The following AFF3 variants were observed in gnomAD, a reference collection of about 807,000 sequenced individuals.
AFF3 encodes ALF transcription elongation factor 3, also known as AF4/FMR2 family member 3.
In AFF3, 32 loss-of-function variants were observed where a neutral mutation model predicts 129.7. That is an observed-to-expected ratio of 0.25 (90% CI 0.19 to 0.33). The LOEUF is 0.33. Ranked by LOEUF, AFF3 falls within the 10% of genes least tolerant of loss-of-function variation. AFF3 has a pLI of 1.00. For missense variants in AFF3, 1,373 were observed against 1,592.0 expected (o/e 0.86, Z 2.34); for synonymous variants, 644 against 635.4 (o/e 1.01, Z -0.20).
chr2:99,675,999 A>T (rs1388259664), intron 11 of AFF3, among the ~76,000 whole-genome samples: 58 of 144,110 alleles, frequency 4.0e-4, no homozygotes, highest in African/African-American at 1.4e-3. Flanking sequence ...TTTTTTTTTT[A>T]AAGGGAAGGC....
At chr2:99,982,945 T>C (rs13385193) in intron 7 of AFF3, among the ~76,000 whole-genome samples, 31,265 of 152,074 alleles carry the variant, frequency 0.21, 4,068 homozygotes, top group African/African-American at 0.36. Flanking sequence ...GGGTAACCCC[T>C]GAGGAACAGG....
At chr2:99,730,961 T>C (rs1432560861) in intron 10 of AFF3, among the ~76,000 whole-genome samples, 1 of 152,106 alleles carries the variant, frequency 6.6e-6, no homozygotes, top group East Asian at 1.9e-4. Flanking sequence ...GTGATGTGTT[T>C]TTCTTTGCTT....
intron 12 of AFF3, among the ~76,000 whole-genome samples, chr2:99,663,482 G>T (rs1328514121): frequency 6.6e-6 from 1 of 152,142 alleles, no homozygotes; most frequent in Non-Finnish European, 1.5e-5. Context: ...TCTTTAATTT[G>T]CAGATTTATG....
intron 8 of AFF3, among the ~76,000 whole-genome samples, chr2:99,789,055 C>T (rs147690307): frequency 7.2e-5 from 11 of 152,246 alleles, no homozygotes; most frequent in South Asian, 4.1e-4. Flanking sequence ...AATGGCCTAA[C>T]GACACATTTC....
chr2:99,900,232 A>G (rs1374712678), intron 7 of AFF3, among the ~76,000 whole-genome samples: 1 of 152,204 alleles, frequency 6.6e-6, no homozygotes, highest in Non-Finnish European at 1.5e-5. Context: ...GATGATGATG[A>G]AAGTACATGA....
At position 99,551,482 on chromosome 2, in the gene AFF3, G is replaced by C; in HGVS notation, c.3673C>G (p.Leu1225Val). Reference sequence around the variant, plus strand: ...GCCCCAGGGTGAGGTCCCTATGACAGGTGGGCGCTGTTCCGCAGCCAGTGC... The same window carrying C: ...GCCCCAGGGTGAGGTCCCTATGACACGTGGGCGCTGTTCCGCAGCCAGTGC... ...GLHWLRNSAH[L>V]S Residue 1225 changes from leucine to valine, a missense_variant, in exon 25 of 25, where the codon CTG becomes GTG. By Grantham distance (32) the Leu-to-Val change is conservative. Around this residue, in one of 9 missense-constraint regions of AFF3, gnomAD observed 165 missense variants for 234.0 expected, o/e 0.71. Coordinates refer to ENST00000672756, the MANE Select transcript of AFF3 (RefSeq NM_001386135.1). 1 of 1,614,098 alleles carries C rather than the reference G, an allele frequency of 6.2e-7. No individual in the cohort carries two copies. Among genetic ancestry groups the C allele is most frequent in the Non-Finnish European group, 8.5e-7 (1 of 1,180,008 alleles).
chr2:99,795,846 C>CTA (rs1432367692), intron 8 of AFF3, among the ~76,000 whole-genome samples: 1 of 151,984 alleles, frequency 6.6e-6, no homozygotes, highest in East Asian at 1.9e-4. Context: ...GCACCTCATG[C>CTA]TATTCTATTA....
At chr2:100,015,239 A>G (rs993264539) in intron 4 of AFF3, among the ~76,000 whole-genome samples, 7 of 152,254 alleles carry the variant, frequency 4.6e-5, no homozygotes, top group Middle Eastern at 3.4e-3. Context: ...TTTGGTTTGG[A>G]GCAAATGCAT....
At chr2:99,995,133 T>C (rs192998961) in intron 7 of AFF3, among the ~76,000 whole-genome samples, 4 of 152,292 alleles carry the variant, frequency 2.6e-5, no homozygotes, top group Admixed American at 2.6e-4. Context: ...AGACTTGCAC[T>C]AGGTCTTGAA....
intron 8 of AFF3, among the ~76,000 whole-genome samples, chr2:99,820,338 T>A (rs1479413606): frequency 1.3e-5 from 2 of 152,138 alleles, no homozygotes; most frequent in East Asian, 3.9e-4. Context: ...ATGTTGTGTA[T>A]CTGAACATAC....
At chr2:99,861,668 A>C (rs1279454836) in intron 7 of AFF3, among the ~76,000 whole-genome samples, 2 of 152,186 alleles carry the variant, frequency 1.3e-5, no homozygotes, top group African/African-American at 4.8e-5. Flanking sequence ...CATACATAAC[A>C]AAAGAATGGA....
rs184085796 is a variant in AFF3, at chr2:99,885,730, A to G, written c.874-48206T>C. Among the ~76,000 whole-genome samples the G allele has an allele frequency of 9.2e-5, 14 of 152,190 alleles. No homozygotes were observed. The East Asian group carries it at 2.5e-3, about 27-fold the overall frequency. ...CTTGGGGTTCCATGAACTTGTCTGT[A>G]GTGGGTCTGTGCATTCACTCCATCA... On this transcript the variant is annotated intron_variant, in intron 7 of 24. Coordinates refer to ENST00000672756, the MANE Select transcript of AFF3 (RefSeq NM_001386135.1).
chr2:99,626,107 A>G (rs924158221), intron 13 of AFF3, among the ~76,000 whole-genome samples: 1 of 152,208 alleles, frequency 6.6e-6, no homozygotes, highest in African/African-American at 2.4e-5. Context: ...TGGACACTAG[A>G]ACATTAGAAG....
intron 7 of AFF3, among the ~76,000 whole-genome samples, chr2:99,903,805 T>C (rs1238641289): frequency 6.6e-6 from 1 of 152,166 alleles, no homozygotes; most frequent in African/African-American, 2.4e-5. Context: ...CATTTTATCA[T>C]TGCTAACAAC....
intron 7 of AFF3, among the ~76,000 whole-genome samples, chr2:99,885,701 A>C (rs1178247879): frequency 6.6e-6 from 1 of 152,066 alleles, no homozygotes; most frequent in Non-Finnish European, 1.5e-5. Flanking sequence ...AAAGATACTG[A>C]ATCCTTGGGG....
chr2:99,962,499 C>T (rs1449448732), intron 7 of AFF3, among the ~76,000 whole-genome samples: 1 of 152,138 alleles, frequency 6.6e-6, no homozygotes, highest in Non-Finnish European at 1.5e-5. Flanking sequence ...CAAAAAAATA[C>T]TTCAACAATG....
intron 7 of AFF3, among the ~76,000 whole-genome samples, chr2:99,891,606 T>A (rs1181716568): frequency 6.6e-6 from 1 of 152,140 alleles, no homozygotes; most frequent in Non-Finnish European, 1.5e-5. Context: ...ACTTTGGTCC[T>A]GTGACAAATG....
chr2:99,706,730 C>G (rs1427717313), intron 11 of AFF3, among the ~76,000 whole-genome samples: 1 of 152,084 alleles, frequency 6.6e-6, no homozygotes. Flanking sequence ...ACCATTAGGC[C>G]GATTTTTTGT....
At chr2:99,643,556 T>C (rs958747041) in intron 13 of AFF3, among the ~76,000 whole-genome samples, 5 of 152,224 alleles carry the variant, frequency 3.3e-5, no homozygotes, top group Non-Finnish European at 4.4e-5. Flanking sequence ...GTGTGGCAAC[T>C]GTGCCTGTCC....
Sources: gnomAD v4.1 joint callset for allele counts (sites outside exome capture counted in the v4.1 genomes callset) on GRCh38, gnomAD v4.1.1 for gene constraint, gnomAD v4.1.1 regional missense constraint, MANE v1.5 for transcripts, NCBI Gene and HGNC (gene_info 2026-07-23, HGNC 2026-07-21) for gene names.